Variants in SPPL3 observed in about 807,000 individuals in gnomAD.
The protein encoded by SPPL3 is signal peptide peptidase-like 3.
In SPPL3, 5 loss-of-function variants were observed where a neutral mutation model predicts 42.4. The ratio of observed to expected loss-of-function variants is 0.12; its 90% CI spans 0.06 to 0.25. SPPL3 has a LOEUF of 0.25. Ranked by LOEUF, SPPL3 falls within the 10% of genes least tolerant of loss-of-function variation. The probability of loss-of-function intolerance (pLI) is 1.00; values close to 1 mark genes in which losing one functional copy is unlikely to be tolerated. For synonymous variants in SPPL3, 195 were observed against 181.8 expected (o/e 1.07, Z -0.58); for missense variants, 235 against 489.0 (o/e 0.48, Z 4.90).
intron 2 of SPPL3, among the ~76,000 whole-genome samples, chr12:120,801,753 A>G (rs1870305116): frequency 6.6e-6 from 1 of 152,210 alleles, no homozygotes; most frequent in Non-Finnish European, 1.5e-5. Flanking sequence ...AAATATTAAG[A>G]CCAGCAGGCT....
chr12:120,803,892 T>TA (rs34344852), intron 2 of SPPL3, among the ~76,000 whole-genome samples: 68,868 of 151,984 alleles, frequency 0.45, 17,675 homozygotes, highest in Middle Eastern at 0.63. Flanking sequence ...GCTCAAAAGT[T>TA]AATCAACATA....
intron 2 of SPPL3, among the ~76,000 whole-genome samples, chr12:120,792,262 T>A (rs773033421): frequency 3.9e-5 from 6 of 152,230 alleles, no homozygotes; most frequent in Non-Finnish European, 8.8e-5. Context: ...ACTGTCTATC[T>A]GGGGAACTAA....
At chr12:120,819,627 G>T (rs1258400591) in intron 1 of SPPL3, among the ~76,000 whole-genome samples, 1 of 152,102 alleles carries the variant, frequency 6.6e-6, no homozygotes, top group East Asian at 1.9e-4. Flanking sequence ...AGTTCAGTTA[G>T]CATCTCAAAT....
At chr12:120,784,132 G>T in intron 4 of SPPL3, 1 of 251,918 alleles carries the variant, frequency 4.0e-6, no homozygotes, top group South Asian at 6.6e-5. Context: ...GTGGGTAGAG[G>T]CTGACAATGG....
chr12:120,789,932 C>A (rs1381881449), intron 3 of SPPL3, among the ~76,000 whole-genome samples: 2 of 147,426 alleles, frequency 1.4e-5, no homozygotes, highest in African/African-American at 5.0e-5. Flanking sequence ...TTGAGGTAAA[C>A]TTAGACATAA....
chr12:120,876,016 A>ACCCCCCCCCC (rs36042995), intron 1 of SPPL3, among the ~76,000 whole-genome samples: 4 of 144,028 alleles, frequency 2.8e-5, no homozygotes, highest in Admixed American at 6.9e-5. Flanking sequence ...AAACAAACAG[A>ACCCCCCCCCC]CCCCCCCCAC....
rs1868729511 is a variant in SPPL3 at position 120,763,101 on chromosome 12, T to A, written c.*1898A>T. 6.6e-6 allele frequency: 1 copy of A among 152,224 alleles called. No homozygotes were observed. The highest frequency in any genetic ancestry group is 6.5e-5 in the Admixed American group (1 of 15,276). The allele number at this position is 152,224 out of a possible 1,614,324, so 9.4% of individuals were successfully genotyped here. On this transcript the variant is annotated 3_prime_UTR_variant, in exon 11 of 11. Transcript: ENST00000353487. ...TTCAGTTCTTTGATGTATCTATGAC[T>A]GGGCCAGAGCTGCAGATGACCAGGT... is the stretch of plus-strand genomic sequence containing the variant.
chr12:120,863,890 C>A (rs2137044397), intron 1 of SPPL3, among the ~76,000 whole-genome samples: 1 of 150,566 alleles, frequency 6.6e-6, no homozygotes, highest in African/African-American at 2.4e-5. Context: ...GCTGCCCAGG[C>A]TGGTTTTGAA....
At chr12:120,881,372 G>C (rs1035148243) in intron 1 of SPPL3, among the ~76,000 whole-genome samples, 5 of 148,882 alleles carry the variant, frequency 3.4e-5, no homozygotes, top group Admixed American at 2.7e-4. Flanking sequence ...GGGAGGCTGA[G>C]GCAGGAGAAT....
At chr12:120,837,940 GGA>G (rs1190486069) in intron 1 of SPPL3, among the ~76,000 whole-genome samples, 1 of 152,134 alleles carries the variant, frequency 6.6e-6, no homozygotes, top group East Asian at 1.9e-4. Flanking sequence ...GGCTGAGGCA[GGA>G]GAGTCACTTG....
At chr12:120,800,339 C>T (rs1271556183) in intron 2 of SPPL3, among the ~76,000 whole-genome samples, 1 of 152,022 alleles carries the variant, frequency 6.6e-6, no homozygotes, top group Non-Finnish European at 1.5e-5. Context: ...CCCGTCTCTA[C>T]TAAAAATACA....
intron 1 of SPPL3, among the ~76,000 whole-genome samples, chr12:120,853,794 C>A (rs575613792): frequency 1.3e-5 from 2 of 152,092 alleles, no homozygotes; most frequent in East Asian, 3.9e-4. Context: ...TACTACTAGT[C>A]CAAAGACCAT....
chr12:120,784,874 G>A (rs1252295272), intron 3 of SPPL3, among the ~76,000 whole-genome samples: 9 of 152,050 alleles, frequency 5.9e-5, no homozygotes, highest in Admixed American at 4.6e-4. Context: ...AACCACCACC[G>A]AGAACATTAA....
chr12:120,877,636 C>G (rs192316380), intron 1 of SPPL3, among the ~76,000 whole-genome samples: 18 of 152,064 alleles, frequency 1.2e-4, no homozygotes, highest in African/African-American at 3.6e-4. Context: ...TAAAAATTAG[C>G]TGGGTGTGGT....
intron 1 of SPPL3, among the ~76,000 whole-genome samples, chr12:120,829,933 G>A (rs939831254): frequency 3.3e-5 from 5 of 150,918 alleles, no homozygotes; most frequent in East Asian, 2.0e-4. Flanking sequence ...GATAGAGGTC[G>A]CAGTGAGCTG....
chr12:120,806,612 G>A (rs1870500622), intron 2 of SPPL3, among the ~76,000 whole-genome samples: 1 of 152,124 alleles, frequency 6.6e-6, no homozygotes, highest in Non-Finnish European at 1.5e-5. Flanking sequence ...ATTTTGGGAG[G>A]CTGAGGTGGG....
intron 3 of SPPL3, among the ~76,000 whole-genome samples, chr12:120,785,752 C>A (rs1414251229): frequency 6.6e-6 from 1 of 151,082 alleles, no homozygotes; most frequent in Non-Finnish European, 1.5e-5. Flanking sequence ...AGGAGGATCA[C>A]TTGAGGCCAG....
chr12:120,766,098 G>GCACACACACACA (rs750703823), intron 10 of SPPL3, among the ~76,000 whole-genome samples, 165 bp downstream of exon 10: 27 of 144,150 alleles, frequency 1.9e-4, no homozygotes, highest in East Asian at 1.3e-3. Flanking sequence ...TAGCGCGCGC[G>GCACACACACACA]CGCACACACA....
At chr12:120,889,831 A>G (rs553137697) in intron 1 of SPPL3, among the ~76,000 whole-genome samples, 23 of 152,214 alleles carry the variant, frequency 1.5e-4, no homozygotes, top group Non-Finnish European at 2.5e-4. Context: ...ACCTTGAATA[A>G]TAGTTTTTCA....
Sources: allele counts gnomAD v4.1 joint callset (sites outside exome capture counted in the v4.1 genomes callset), GRCh38; gene constraint gnomAD v4.1.1; transcripts MANE v1.5; gene names NCBI Gene and HGNC (gene_info 2026-07-23, HGNC 2026-07-21).